Variants in ST6GALNAC5 observed in about 807,000 individuals in gnomAD.
ST6GALNAC5 encodes ST6 N-acetylgalactosaminide alpha-2,6-sialyltransferase 5.
A neutral mutation model predicts 33.6 loss-of-function variants in ST6GALNAC5; 27 were observed. That is an observed-to-expected ratio of 0.80 (90% CI 0.59 to 1.11). The LOEUF is 1.11. ST6GALNAC5 is among the 50% of genes least tolerant of loss of function. ST6GALNAC5 has a pLI of 0.00. For missense variants in ST6GALNAC5, 428 were observed against 454.0 expected, an observed-to-expected ratio of 0.94 and a Z score of 0.52; for synonymous variants, 194 against 171.2, an observed-to-expected ratio of 1.13 and a Z score of -1.04.
intron 2 of ST6GALNAC5, among the ~76,000 whole-genome samples, chr1:76,994,540 G>A (rs537328506): frequency 6.6e-5 from 10 of 152,282 alleles, no homozygotes; most frequent in Non-Finnish European, 1.5e-4. Flanking sequence ...TTTAATGAAA[G>A]AGAAAGAAGA....
chr1:76,930,866 G>T (rs116514782), intron 2 of ST6GALNAC5, among the ~76,000 whole-genome samples: 2 of 152,134 alleles, frequency 1.3e-5, no homozygotes, highest in Non-Finnish European at 2.9e-5. Context: ...ATAAAGGGAA[G>T]ATATATTGGT....
intron 2 of ST6GALNAC5, among the ~76,000 whole-genome samples, chr1:76,976,450 C>T (rs1208533509): frequency 1.3e-5 from 2 of 151,900 alleles, no homozygotes; most frequent in African/African-American, 4.8e-5. Context: ...TTGAAGATTT[C>T]CATTATTTGT....
chr1:77,042,700 C>T (rs1651872121), intron 2 of ST6GALNAC5, among the ~76,000 whole-genome samples: 2 of 152,192 alleles, frequency 1.3e-5, no homozygotes, highest in Non-Finnish European at 2.9e-5. Context: ...TATGACAATC[C>T]TATGCTAAAG....
chr1:76,957,176 A>G (rs2100344955), intron 2 of ST6GALNAC5, among the ~76,000 whole-genome samples: 1 of 152,288 alleles, frequency 6.6e-6, no homozygotes, highest in Admixed American at 6.5e-5. Context: ...ACAGTTCTGG[A>G]GGCCAGAAAT....
chr1:76,885,503 G>A (rs1044389209), intron 2 of ST6GALNAC5, among the ~76,000 whole-genome samples: 1 of 152,194 alleles, frequency 6.6e-6, no homozygotes, highest in Non-Finnish European at 1.5e-5. Flanking sequence ...TGTTGGATAT[G>A]TGGGGTTTAT....
chr1:77,043,449 C>T (rs897792832), intron 2 of ST6GALNAC5, among the ~76,000 whole-genome samples: 1 of 152,194 alleles, frequency 6.6e-6, no homozygotes, highest in African/African-American at 2.4e-5. Context: ...AGGACCTAGG[C>T]CCTGCAATTC....
intron 2 of ST6GALNAC5, among the ~76,000 whole-genome samples, chr1:77,037,311 A>G (rs935180436): frequency 6.6e-6 from 1 of 152,224 alleles, no homozygotes; most frequent in African/African-American, 2.4e-5. Flanking sequence ...AGAAAACCAG[A>G]TGCCACATGT....
At chr1:76,957,541 T>C (rs1486561227) in intron 2 of ST6GALNAC5, among the ~76,000 whole-genome samples, 1 of 152,208 alleles carries the variant, frequency 6.6e-6, no homozygotes, top group African/African-American at 2.4e-5. Context: ...AGTACACCTG[T>C]AGTCACCAAT....
chr1:77,040,273 A>T (rs1651790715), intron 2 of ST6GALNAC5, among the ~76,000 whole-genome samples: 1 of 152,156 alleles, frequency 6.6e-6, no homozygotes. Flanking sequence ...TAGAACAGCT[A>T]TTGTCATTTT....
chr1:76,955,685 A>G (rs993434846), intron 2 of ST6GALNAC5, among the ~76,000 whole-genome samples: 13 of 152,208 alleles, frequency 8.5e-5, no homozygotes, highest in African/African-American at 2.9e-4. Context: ...CCATAAATCC[A>G]CATTAAATAC....
chr1:76,978,058 C>T (rs1649091570), intron 2 of ST6GALNAC5, among the ~76,000 whole-genome samples: 1 of 152,108 alleles, frequency 6.6e-6, no homozygotes. Flanking sequence ...TTTTGATTTG[C>T]ATTTCCCTGA....
chr1:76,909,099 G>T (rs945172173), intron 2 of ST6GALNAC5, among the ~76,000 whole-genome samples: 1 of 151,936 alleles, frequency 6.6e-6, no homozygotes, highest in African/African-American at 2.4e-5. Flanking sequence ...CCCTTCTCTC[G>T]GCACTTTTCA....
At chr1:76,905,951 A>G (rs1299370434) in intron 2 of ST6GALNAC5, among the ~76,000 whole-genome samples, 1 of 152,200 alleles carries the variant, frequency 6.6e-6, no homozygotes, top group Non-Finnish European at 1.5e-5. Flanking sequence ...GGTGCCTTCT[A>G]TCGTGCTGTT....
intron 3 of ST6GALNAC5, 149 bp downstream of exon 3, chr1:77,044,762 GT>G: frequency 1.1e-6 from 1 of 901,874 alleles, no homozygotes; most frequent in South Asian, 2.3e-5. Context: ...GGTCCTCTGC[GT>G]GACTGGGCTG....
chr1:76,926,629 A>G (rs1647088952), intron 2 of ST6GALNAC5, among the ~76,000 whole-genome samples: 1 of 152,176 alleles, frequency 6.6e-6, no homozygotes, highest in Admixed American at 6.6e-5. Context: ...CTTCTCTGAA[A>G]TAATGCTTCA....
chr1:76,978,158 A>G (rs1649095122), intron 2 of ST6GALNAC5, among the ~76,000 whole-genome samples: 1 of 152,108 alleles, frequency 6.6e-6, no homozygotes, highest in South Asian at 2.1e-4. Flanking sequence ...TCTGTTGCCC[A>G]TTATTAATCA....
At chr1:76,997,552 C>G (rs993674994) in intron 2 of ST6GALNAC5, among the ~76,000 whole-genome samples, 2 of 152,144 alleles carry the variant, frequency 1.3e-5, no homozygotes, top group African/African-American at 4.8e-5. Context: ...TAAGTAAGAT[C>G]CAGGCAACCA....
chr1:76,987,947 T>C (rs1332733112), intron 2 of ST6GALNAC5, among the ~76,000 whole-genome samples: 3 of 152,166 alleles, frequency 2.0e-5, no homozygotes, highest in Non-Finnish European at 4.4e-5. Flanking sequence ...TTTTCTTCGA[T>C]TAGTCCCTCA....
intron 2 of ST6GALNAC5, among the ~76,000 whole-genome samples, chr1:76,876,578 G>A (rs1006452213): frequency 6.6e-6 from 1 of 152,142 alleles, no homozygotes; most frequent in Non-Finnish European, 1.5e-5. Flanking sequence ...TTCCAGTCGT[G>A]CTTCTTCCAA....
Sources: gnomAD v4.1 joint callset for allele counts (sites outside exome capture counted in the v4.1 genomes callset) on GRCh38, gnomAD v4.1.1 for gene constraint, MANE v1.5 for transcripts, NCBI Gene and HGNC (gene_info 2026-07-23, HGNC 2026-07-21) for gene names.